The following PRDM6 variants were observed in gnomAD, a reference collection of about 807,000 sequenced individuals.
PRDM6 encodes the protein PR/SET domain 6.
In PRDM6, 25 loss-of-function variants were observed where a neutral mutation model predicts 60.8. The ratio of observed to expected loss-of-function variants is 0.41; its 90% CI spans 0.30 to 0.57. PRDM6 has a LOEUF of 0.57. Ranked by LOEUF, PRDM6 falls within the 20% of genes least tolerant of loss-of-function variation. PRDM6 has a pLI of 0.27. For missense variants in PRDM6, 839 were observed against 821.3 expected, an observed-to-expected ratio of 1.02 and a Z score of -0.26; for synonymous variants, 407 against 357.4, an observed-to-expected ratio of 1.14 and a Z score of -1.57.
chr5:123,139,790 G>C (rs962575936), intron 3 of PRDM6, among the ~76,000 whole-genome samples: 1 of 152,136 alleles, frequency 6.6e-6, no homozygotes, highest in African/African-American at 2.4e-5. Flanking sequence ...GAATTGAATT[G>C]AAAGATATCA....
intron 5 of PRDM6, among the ~76,000 whole-genome samples, chr5:123,169,272 A>G (rs1765831364): frequency 6.6e-6 from 1 of 152,250 alleles, no homozygotes; most frequent in East Asian, 1.9e-4. Context: ...GACCTATGAA[A>G]TGACCAGCAA....
Position 123,180,340 on chromosome 5 carries a change from C to G in PRDM6, c.1673+17C>G. ...GCCCTTCAAGTAAGTAGTGGCTAGC[C>G]CTCCACCCTCTCTTTCTCTTAGCCT... On this transcript the variant is annotated intron_variant, in intron 7 of 7. Transcript: ENST00000407847. 6.5e-7 allele frequency: 1 copy of G among 1,538,816 alleles called. No homozygotes were observed. Among genetic ancestry groups the G allele is most frequent in the South Asian group, 1.2e-5 (1 of 81,726 alleles).
intron 2 of PRDM6, among the ~76,000 whole-genome samples, chr5:123,097,772 T>C (rs1476965720): frequency 6.6e-5 from 10 of 152,200 alleles, no homozygotes; most frequent in Non-Finnish European, 1.5e-5. Context: ...ATAGTTTGTG[T>C]TGCTGGCAGA....
At chr5:123,119,874 A>G (rs467221) in intron 3 of PRDM6, among the ~76,000 whole-genome samples, 1 of 152,084 alleles carries the variant, frequency 6.6e-6, no homozygotes, top group Non-Finnish European at 1.5e-5. Context: ...AAAATACATG[A>G]GTGGTTATAC....
At chr5:123,153,577 C>T (rs972093592) in intron 3 of PRDM6, among the ~76,000 whole-genome samples, 2 of 152,112 alleles carry the variant, frequency 1.3e-5, no homozygotes, top group Non-Finnish European at 2.9e-5. Flanking sequence ...ATGCCATGTG[C>T]TACATTGTGT....
At chr5:123,127,323 C>T (rs180718635) in intron 3 of PRDM6, among the ~76,000 whole-genome samples, 2 of 152,170 alleles carry the variant, frequency 1.3e-5, no homozygotes, top group East Asian at 3.9e-4. Context: ...CAGGCATGAG[C>T]CACCGTGCCT....
chr5:123,119,759 C>T (rs1216036939), intron 3 of PRDM6, among the ~76,000 whole-genome samples: 1 of 152,172 alleles, frequency 6.6e-6, no homozygotes, highest in African/African-American at 2.4e-5. Flanking sequence ...AGACCCTTCT[C>T]AGATGATTCA....
chr5:123,143,203 C>T lies in PRDM6; in HGVS notation c.901-12681C>T, dbSNP rs1264596627. Among the ~76,000 whole-genome samples, 3 of 131,640 alleles carry T rather than the reference C, an allele frequency of 2.3e-5. No homozygotes were observed. In the East Asian group the frequency reaches 5.8e-4, roughly 26 times the overall value. 86.4% of individuals were successfully genotyped at this position (131,640 alleles called of 152,430 possible). On this transcript the variant is annotated intron_variant, in intron 3 of 7. Coordinates refer to ENST00000407847, the MANE Select transcript of PRDM6 (RefSeq NM_001136239.4). Reference sequence around the variant, plus strand: ...TATGTGGGTGTGTGTATACACACCTCCTTTGAGAATCTAATAAAAACTATG... The same window carrying T: ...TATGTGGGTGTGTGTATACACACCTTCTTTGAGAATCTAATAAAAACTATG...
intron 3 of PRDM6, among the ~76,000 whole-genome samples, chr5:123,114,580 A>AT (rs1457863518): frequency 6.6e-6 from 1 of 152,194 alleles, no homozygotes; most frequent in Non-Finnish European, 1.5e-5. Flanking sequence ...TAAAAAATTA[A>AT]TTTTTTTAAA....
chr5:123,159,469 G>A (rs1765577914), intron 4 of PRDM6, 45 bp from the exon 5 acceptor site: 1 of 1,540,496 alleles, frequency 6.5e-7, no homozygotes. Context: ...GGGGGCACAT[G>A]AGTCCTATGT....
Position 123,090,147 on chromosome 5 carries a change from A to C in PRDM6, c.133A>C (p.Ser45Arg). The change falls in exon 2 of 8, where the codon AGC becomes CGC. Residue 45 changes from serine (S) to arginine (R), a missense_variant. Around this residue, in one of 2 missense-constraint regions of PRDM6, gnomAD observed 730 missense variants for 648.8 expected, o/e 1.13. Transcript: ENST00000407847. ...GGGCAGCGGCGCCGCGGGTCTCCTG[A>C]GCGCGCCGCAGCCTCTTCAGCCGCC... is the stretch of plus-strand genomic sequence containing the variant. ...LKGSGAAGLL[S>R]APQPLQPPPP... 1.3e-6 allele frequency: 2 copies of C among 1,528,670 alleles called. No individual in the cohort carries two copies. The highest frequency in any genetic ancestry group is 1.8e-6 in the Non-Finnish European group (2 of 1,138,318). 94.7% of individuals were successfully genotyped at this position (1,528,670 alleles called of 1,614,324 possible). A position where few individuals can be genotyped will look rare whatever the true frequency, so the allele number is the denominator to read the frequency against.
intron 3 of PRDM6, among the ~76,000 whole-genome samples, chr5:123,111,456 T>C (rs1012732345): frequency 1.3e-5 from 2 of 152,180 alleles, no homozygotes; most frequent in African/African-American, 4.8e-5. Context: ...CCCAACACTT[T>C]GGGAGGCCGA....
At position 123,187,890 on chromosome 5, in the gene PRDM6, T is replaced by C. The variant is rs1229651187; in HGVS notation, c.*689T>C. The C allele has an allele frequency of 6.6e-6, 1 of 152,202 alleles. No individual in the cohort carries two copies. The highest frequency in any genetic ancestry group is 1.5e-5 in the Non-Finnish European group (1 of 68,042). 9.4% of individuals were successfully genotyped at this position (152,202 alleles called of 1,614,324 possible). On this transcript the variant is annotated 3_prime_UTR_variant, in exon 8 of 8. Coordinates refer to ENST00000407847, the MANE Select transcript of PRDM6 (RefSeq NM_001136239.4). Reference sequence around the variant, plus strand: ...TTCAAAGGAAAAAGTTGAGGACTTATTTTGTCCTGTCAAGATTGCAAGAAC... The same window carrying C: ...TTCAAAGGAAAAAGTTGAGGACTTACTTTGTCCTGTCAAGATTGCAAGAAC...
In PRDM6 at chr5:123,187,030, C is replaced by T. The variant is rs148505766; in HGVS notation, c.1674-57C>T. 1,452 of 1,266,688 alleles carry T rather than the reference C, an allele frequency of 1.1e-3. 2 individuals carry two copies. The highest frequency in any genetic ancestry group is 1.3e-3 in the Non-Finnish European group (1,186 of 889,356). 78.5% of individuals were successfully genotyped at this position (1,266,688 alleles called of 1,614,324 possible). ...TCTGATTAGGCAGGATGAGAGGAAG[C>T]CCATCACCCTGCAGGCCCCGCTCCC... is the stretch of plus-strand genomic sequence containing the variant. On this transcript the variant is annotated intron_variant, in intron 7 of 7. Transcript: ENST00000407847.
chr5:123,101,675 G>C (rs993072581), intron 3 of PRDM6, among the ~76,000 whole-genome samples: 4 of 152,128 alleles, frequency 2.6e-5, no homozygotes, highest in African/African-American at 9.7e-5. Flanking sequence ...TATTTTTAGA[G>C]TGCCAGGGGA....
chr5:123,168,650 G>C (rs546061121), intron 5 of PRDM6, among the ~76,000 whole-genome samples: 28 of 152,370 alleles, frequency 1.8e-4, no homozygotes, highest in Non-Finnish European at 2.8e-4. Flanking sequence ...ATTCTCCTGT[G>C]TGAGTCTAAT....
At chr5:123,176,432 TG>T (rs1561882109) in intron 6 of PRDM6, among the ~76,000 whole-genome samples, 1 of 152,150 alleles carries the variant, frequency 6.6e-6, no homozygotes, top group East Asian at 1.9e-4. Context: ...ATTTTGGGAC[TG>T]GGCACAGTGG....
At chr5:123,103,797 C>A (rs747096346) in intron 3 of PRDM6, among the ~76,000 whole-genome samples, 2 of 151,892 alleles carry the variant, frequency 1.3e-5, no homozygotes, top group Non-Finnish European at 2.9e-5. Flanking sequence ...TTAAGATAGG[C>A]TAGAATTACT....
At chr5:123,163,937 T>C (rs191582699) in intron 5 of PRDM6, among the ~76,000 whole-genome samples, 1 of 151,690 alleles carries the variant, frequency 6.6e-6, no homozygotes, top group Non-Finnish European at 1.5e-5. Context: ...GAGCAGAAAA[T>C]AAAAAGTGGG....
Sources: gnomAD v4.1 joint callset for allele counts (sites outside exome capture counted in the v4.1 genomes callset) on GRCh38, gnomAD v4.1.1 for gene constraint, gnomAD v4.1.1 regional missense constraint, MANE v1.5 for transcripts, NCBI Gene and HGNC (gene_info 2026-07-23, HGNC 2026-07-21) for gene names.